Variants in WFS1 observed in about 807,000 individuals in gnomAD.
WFS1 encodes the protein wolframin ER transmembrane glycoprotein.
Under a neutral mutation model 68.5 loss-of-function variants are expected in WFS1, and 90 were observed. The ratio of observed to expected loss-of-function variants is 1.31; its 90% confidence interval spans 1.11 to 1.56. WFS1 has a LOEUF of 1.56. Ranked by LOEUF, WFS1 falls within the 40% of genes most tolerant of loss-of-function variation. The pLI, the probability that WFS1 is intolerant of heterozygous loss-of-function variation, is 0.00. For synonymous variants in WFS1, 860 were observed against 540.7 expected, an observed-to-expected ratio of 1.59 and a Z score of -8.19; for missense variants, 1,767 against 1,232.6, an observed-to-expected ratio of 1.43 and a Z score of -6.49.
intron 6 of WFS1, chr4:6,294,780 G>A: frequency 2.0e-6 from 1 of 508,026 alleles, no homozygotes; most frequent in South Asian, 2.0e-5. Flanking sequence ...GGCAGAGAGG[G>A]ACACTTGGGG....
At chr4:6,295,848 C>G (rs920991013) in intron 7 of WFS1, among the ~76,000 whole-genome samples, 1 of 149,784 alleles carries the variant, frequency 6.7e-6, no homozygotes, top group Non-Finnish European at 1.5e-5. Context: ...GCCCTATGGC[C>G]TCTCACAGAG....
Position 6,295,187 on chromosome 4 carries a change from AAGGTGAGTG to A in WFS1, c.861_861+8del. 6.2e-7 allele frequency: 1 copy of A among 1,611,584 alleles called. No homozygotes were observed. The highest frequency in any genetic ancestry group is 8.5e-7 in the Non-Finnish European group (1 of 1,180,032). ...CCCTGAGGACCTGCCACTGCGTCTG[AAGGTGAGTG>A]ACCAAGACCCCGGTCAGGCCGGAGC... is the stretch of plus-strand genomic sequence containing the variant. On this transcript the variant is annotated splice_donor_variant and splice_donor_5th_base_variant and coding_sequence_variant and intron_variant, in exon 7 of 8. Coordinates refer to ENST00000226760, the MANE Select transcript of WFS1 (RefSeq NM_006005.3). LOFTEE classifies it high-confidence loss of function.
In WFS1 at chr4:6,301,052, C is replaced by T. The variant is rs1379814758; in HGVS notation, c.1257C>T (p.Phe419=). ...LLSVFFVIFS[F]PIASKDCIPC... ...CTGTCTTCTTCGTCATCTTCTCCTT[C>T]CCCATCGCCAGCAAGGACTGCATCC... Residue 419 remains phenylalanine (F), a synonymous_variant, in exon 8 of 8, where the codon TTC becomes TTT. Transcript: ENST00000226760. The T allele has an allele frequency of 1.9e-6, 3 of 1,614,204 alleles. No homozygotes were observed. Among genetic ancestry groups the T allele is most frequent in the East Asian group, 2.2e-5 (1 of 44,866 alleles).
At chr4:6,300,396 C>G (rs566205831) in intron 7 of WFS1, among the ~76,000 whole-genome samples, 3 of 151,974 alleles carry the variant, frequency 2.0e-5, no homozygotes, top group South Asian at 2.1e-4. Flanking sequence ...CATCTAGTCA[C>G]GCTGGTAGAA....
chr4:6,276,131 G>A (rs1729987696), intron 1 of WFS1, among the ~76,000 whole-genome samples: 1 of 152,182 alleles, frequency 6.6e-6, no homozygotes, highest in Non-Finnish European at 1.5e-5. Flanking sequence ...CCCTGAGCTT[G>A]GGAGGGTCAT....
rs1560418164 is a variant in WFS1 at position 6,300,840 on chromosome 4, ATCT to A, written c.1049_1051del (p.Phe350del). 14 of 1,614,080 alleles carry A rather than the reference ATCT, an allele frequency of 8.7e-6. No individual in the cohort carries two copies. Among genetic ancestry groups the A allele is most frequent in the Non-Finnish European group, 1.2e-5 (14 of 1,179,990 alleles). On this transcript the variant is annotated inframe_deletion, in exon 8 of 8. Coordinates refer to ENST00000226760, the MANE Select transcript of WFS1 (RefSeq NM_006005.3). The stretch of plus-strand genomic sequence containing the variant: ...CTTCGCCTTCTTCATCCCGCTGGTC[ATCT>A]TCTACCTGTCCTTCATCTCCATGGT...
At position 6,298,120 on chromosome 4, in the gene WFS1, G is replaced by A. The variant is rs536378964; in HGVS notation, c.862-2537G>A. Among the ~76,000 whole-genome samples, 15 of 152,368 alleles carry A rather than the reference G, an allele frequency of 9.8e-5. No homozygotes were observed. In the East Asian group the frequency reaches 1.7e-3, roughly 18 times the overall value. On this transcript the variant is annotated intron_variant, in intron 7 of 7. Coordinates refer to ENST00000226760, the MANE Select transcript of WFS1 (RefSeq NM_006005.3). ...CCCCTTGCTACCGTGGCGGTCGTGC[G>A]TGAAACTGGTGGTGAGCAGTGGCGG...
At chr4:6,291,050 T>C (rs1730448237) in intron 4 of WFS1, 147 bp from the exon 5 acceptor site, 1 of 760,026 alleles carries the variant, frequency 1.3e-6, no homozygotes. Context: ...TTGAGTCAGA[T>C]GTCCATGCAT....
intron 2 of WFS1, among the ~76,000 whole-genome samples, chr4:6,285,971 A>C (rs1730298566): frequency 6.6e-6 from 1 of 152,220 alleles, no homozygotes; most frequent in African/African-American, 2.4e-5. Flanking sequence ...TTGGTCTAAT[A>C]ATTCAACTGG....
rs397517197 is a variant in WFS1 at position 6,302,180 on chromosome 4, G to GGAC, written c.2390_2392dup (p.Asp797dup). 1.4e-3 allele frequency: 2,299 copies of GGAC among 1,612,554 alleles called. 15 individuals carry two copies. The highest frequency in any genetic ancestry group is 9.1e-3 in the South Asian group (831 of 91,078). On this transcript the variant is annotated inframe_insertion, in exon 8 of 8. Transcript: ENST00000226760. ...CTGACGGCTCGCGCAGCCGCGAGGA[G>GGAC]GACGACGTCACCAAGGACATCGTGC...
intron 2 of WFS1, among the ~76,000 whole-genome samples, chr4:6,278,449 C>T (rs917728441): frequency 6.9e-4 from 105 of 152,248 alleles, no homozygotes; most frequent in Non-Finnish European, 9.1e-4. Flanking sequence ...CACTGCCCCT[C>T]CTGCCCATGC....
At chr4:6,291,163 C>A in intron 4 of WFS1, 34 bp from the exon 5 acceptor site, 1 of 1,608,886 alleles carries the variant, frequency 6.2e-7, no homozygotes, top group Non-Finnish European at 8.5e-7. Flanking sequence ...CTAGGCAGGG[C>A]ACACAAGGCC....
intron 7 of WFS1, among the ~76,000 whole-genome samples, chr4:6,296,983 C>T (rs1190939386): frequency 6.6e-6 from 1 of 152,152 alleles, no homozygotes; most frequent in East Asian, 1.9e-4. Context: ...GCCACCACAC[C>T]CAGCTGATTT....
At position 6,301,058 on chromosome 4, in the gene WFS1, C is replaced by G. The variant is rs748103155; in HGVS notation, c.1263C>G (p.Ile421Met). 9 of 1,614,180 alleles carry G rather than the reference C, an allele frequency of 5.6e-6. No individual in the cohort carries two copies. In the East Asian group the frequency reaches 1.6e-4, roughly 28 times the overall value. ...TCTTCGTCATCTTCTCCTTCCCCAT[C>G]GCCAGCAAGGACTGCATCCCCTGCT... Reference protein sequence around the residue: ...SVFFVIFSFPIASKDCIPCSE... With the variant: ...SVFFVIFSFPMASKDCIPCSE... Residue 421 changes from isoleucine to methionine, a missense_variant, in exon 8 of 8, where the codon ATC becomes ATG. Transcript: ENST00000226760.
intron 1 of WFS1, among the ~76,000 whole-genome samples, chr4:6,275,079 G>A (rs1240984091): frequency 6.6e-6 from 1 of 152,134 alleles, no homozygotes; most frequent in African/African-American, 2.4e-5. Context: ...AGGAACTCAC[G>A]ACAATAGGAC....
intron 2 of WFS1, among the ~76,000 whole-genome samples, chr4:6,278,371 C>T (rs1340974186): frequency 1.3e-5 from 2 of 152,216 alleles, no homozygotes; most frequent in African/African-American, 4.8e-5. Flanking sequence ...CTCCAGCTGA[C>T]TCAGGCCTCG....
chr4:6,277,409 T>A (rs1307239311), intron 1 of WFS1, 42 bp from the exon 2 acceptor site: 5 of 1,537,320 alleles, frequency 3.3e-6, no homozygotes, highest in Non-Finnish European at 4.4e-6. Flanking sequence ...CAGAGCGGGC[T>A]CTGCCGGTGC....
At position 6,301,256 on chromosome 4, in the gene WFS1, C is replaced by T. The variant is rs771363371; in HGVS notation, c.1461C>T (p.Thr487=). ...NWPYLKVLGQ[T]FITVPVGHLV... The stretch of plus-strand genomic sequence containing the variant: ...CCTACCTGAAGGTCCTTGGCCAGAC[C>T]TTCATCACCGTGCCTGTCGGCCACC... The change falls in exon 8 of 8, where the codon ACC becomes ACT. Residue 487 remains threonine (T), a synonymous_variant. Transcript: ENST00000226760. 1.2e-6 allele frequency: 2 copies of T among 1,611,462 alleles called. No homozygotes were observed. The highest frequency in any genetic ancestry group is 1.7e-5 in the Admixed American group (1 of 60,030).
chr4:6,301,506 C>G lies in WFS1; in HGVS notation c.1711C>G (p.Pro571Ala). The change falls in exon 8 of 8, where the codon CCC becomes GCC. Residue 571 changes from proline to alanine, a missense_variant. By Grantham distance (27) the Pro-to-Ala change is conservative (BLOSUM62 -1). Coordinates refer to ENST00000226760, the MANE Select transcript of WFS1 (RefSeq NM_006005.3). ...IGYFLFLFAL[P>A]ILVAGLALVG... ...CTACTTCCTCTTCCTCTTTGCCCTC[C>G]CCATCCTGGTGGCCGGCCTGGCCCT... 1.2e-6 allele frequency: 2 copies of G among 1,613,628 alleles called. No individual in the cohort carries two copies. The highest frequency in any genetic ancestry group is 1.7e-6 in the Non-Finnish European group (2 of 1,179,936).
Sources: gnomAD v4.1 joint callset for allele counts (sites outside exome capture counted in the v4.1 genomes callset) on GRCh38, gnomAD v4.1.1 for gene constraint, MANE v1.5 for transcripts, NCBI Gene and HGNC (gene_info 2026-07-23, HGNC 2026-07-21) for gene names.